The following FHDC1 variants were observed in gnomAD, a reference collection of about 807,000 sequenced individuals.
The protein encoded by FHDC1 is FH2 domain containing 1.
In FHDC1, 25 loss-of-function variants were observed where a neutral mutation model predicts 52.6. The ratio of observed to expected loss-of-function variants is 0.48; its 90% CI spans 0.35 to 0.66. FHDC1 has a LOEUF of 0.66. Among genes scored for constraint, FHDC1 ranks in the 30% least tolerant of loss-of-function variants. The pLI is 0.01. For missense variants in FHDC1, 1,459 were observed against 1,452.8 expected (o/e 1.00, Z -0.07); for synonymous variants, 616 against 581.5 (o/e 1.06, Z -0.85).
the FHDC1 span, among the ~76,000 whole-genome samples, chr4:152,916,403 C>A: frequency 1.3e-5 from 2 of 151,984 alleles, no homozygotes; most frequent in African/African-American, 2.4e-5. Flanking sequence ...AGCAAAAATA[C>A]ATACATTCAT....
At chr4:152,936,058 C>T (rs1739360889), upstream of FHDC1, among the ~76,000 whole-genome samples, 1 of 152,038 alleles carries the variant, frequency 6.6e-6, no homozygotes, top group Non-Finnish European at 1.5e-5. Context: ...TGGCCCCCGG[C>T]CTAGCCCCGC....
chr4:152,919,642 A>C, the FHDC1 span, among the ~76,000 whole-genome samples: 1 of 152,168 alleles, frequency 6.6e-6, no homozygotes, highest in African/African-American at 2.4e-5. Context: ...TAGCACTAGA[A>C]TATATTTGGA....
chr4:152,934,650 G>A (rs79401609), upstream of FHDC1, among the ~76,000 whole-genome samples: 5,621 of 152,294 alleles, frequency 0.037, 158 homozygotes, highest in South Asian at 0.078. Context: ...GAGATCGAGA[G>A]TTGGAAAAAC....
intron 1 of FHDC1, among the ~76,000 whole-genome samples, chr4:152,941,859 A>T (rs1358623534): frequency 6.6e-6 from 1 of 152,096 alleles, no homozygotes; most frequent in Non-Finnish European, 1.5e-5. Context: ...TGTGATCTGG[A>T]GGAAATAGTC....
At chr4:152,941,595 G>A (rs1446651362) in intron 1 of FHDC1, among the ~76,000 whole-genome samples, 1 of 152,198 alleles carries the variant, frequency 6.6e-6, no homozygotes, top group Non-Finnish European at 1.5e-5. Context: ...CTTGAAAGTA[G>A]CAGAACTTTC....
At chr4:152,911,560 A>G in the FHDC1 span, 4 of 152,654 alleles carry the variant, frequency 2.6e-5, no homozygotes, top group African/African-American at 9.6e-5. Flanking sequence ...TGTCATAGAC[A>G]TAAATTAATA....
intron 2 of FHDC1, among the ~76,000 whole-genome samples, chr4:152,945,411 A>G (rs71620234): frequency 4.4e-4 from 67 of 152,260 alleles, no homozygotes; most frequent in Non-Finnish European, 7.6e-4. Context: ...ATTATTTTTA[A>G]TTGTGGTGAA....
chr4:152,919,925 CA>C, the FHDC1 span, among the ~76,000 whole-genome samples: 2 of 142,866 alleles, frequency 1.4e-5, no homozygotes, highest in South Asian at 2.3e-4. Flanking sequence ...AATTGGAAGG[CA>C]ATTCTGGTAG....
chr4:152,941,107 A>G (rs953826075), intron 1 of FHDC1, among the ~76,000 whole-genome samples: 18 of 152,264 alleles, frequency 1.2e-4, no homozygotes, highest in African/African-American at 3.9e-4. Flanking sequence ...ATGATTTTTT[A>G]AAGTATCCAA....
chr4:152,958,493 T>G (rs908108992), intron 4 of FHDC1, among the ~76,000 whole-genome samples: 2 of 125,680 alleles, frequency 1.6e-5, no homozygotes, highest in East Asian at 5.0e-4. Context: ...TCTCTTGAAA[T>G]CCATACATTT....
chr4:152,955,252 T>A (rs1385413615), intron 4 of FHDC1, among the ~76,000 whole-genome samples: 2 of 152,100 alleles, frequency 1.3e-5, no homozygotes, highest in African/African-American at 4.8e-5. Flanking sequence ...TGATATAAAG[T>A]TATTTATTTT....
chr4:152,925,280 A>T, the FHDC1 span, among the ~76,000 whole-genome samples: 1 of 152,124 alleles, frequency 6.6e-6, no homozygotes, highest in African/African-American at 2.4e-5. Context: ...AACATATGAC[A>T]CATAAATGCG....
At chr4:152,911,945 A>T in the FHDC1 span, 1 of 152,540 alleles carries the variant, frequency 6.6e-6, no homozygotes, top group Non-Finnish European at 1.5e-5. Context: ...TTTAAGAAGT[A>T]ACTATTTGGA....
At chr4:152,945,250 A>C (rs1466829408) in intron 2 of FHDC1, among the ~76,000 whole-genome samples, 1 of 152,170 alleles carries the variant, frequency 6.6e-6, no homozygotes, top group African/African-American at 2.4e-5. Flanking sequence ...ACTATGATAG[A>C]AGCAGAGATG....
chr4:152,914,483 C>T, the FHDC1 span, among the ~76,000 whole-genome samples: 3 of 152,298 alleles, frequency 2.0e-5, no homozygotes, highest in South Asian at 2.1e-4. Flanking sequence ...AGCACCATAA[C>T]TCTACTCTTG....
At position 152,960,829 on chromosome 4, in the gene FHDC1, A is replaced by G; in HGVS notation, c.835A>G (p.Arg279Gly). The G allele has an allele frequency of 6.3e-7, 1 of 1,597,200 alleles. No individual in the cohort carries two copies. Among genetic ancestry groups the G allele is most frequent in the Non-Finnish European group, 8.5e-7 (1 of 1,174,452 alleles). ...TCTATATACAGATATAACAGTTTTA[A>G]GAACTGCTATAAAAGGTGAGTCAAC... ...SSLYTDITVLRTAIKELMSCE... is the reference protein window; with the variant it reads ...SSLYTDITVLGTAIKELMSCE... The change falls in exon 6 of 12, where the codon AGA (arginine) becomes GGA (glycine). Residue 279 changes from arginine to glycine, a missense_variant. Coordinates refer to ENST00000511601, the MANE Select transcript of FHDC1 (RefSeq NM_001371116.1).
intron 1 of FHDC1, among the ~76,000 whole-genome samples, chr4:152,937,578 G>A (rs1169948185): frequency 6.6e-6 from 1 of 151,748 alleles, no homozygotes; most frequent in African/African-American, 2.4e-5. Flanking sequence ...ACGGGAGAGC[G>A]GTCGGCGCTG....
Position 152,975,227 on chromosome 4 carries a change from C to A in FHDC1, c.1936C>A (p.Arg646=). 1 of 1,613,320 alleles carries A rather than the reference C, an allele frequency of 6.2e-7. No homozygotes were observed. Among genetic ancestry groups the A allele is most frequent in the Non-Finnish European group, 8.5e-7 (1 of 1,180,014 alleles). Residue 646 remains arginine (R), a synonymous_variant, in exon 12 of 12, where the codon CGA becomes AGA. Coordinates refer to ENST00000511601, the MANE Select transcript of FHDC1 (RefSeq NM_001371116.1). ...TCGGCGCCAGGGCGTCAGTGTCCTC[C>A]GAAAGAGGTACAGTGAGCCGGTGAG... ...RARRQGVSVL[R]KRYSEPVSLG...
At chr4:152,924,621 C>A in the FHDC1 span, among the ~76,000 whole-genome samples, 4 of 152,212 alleles carry the variant, frequency 2.6e-5, no homozygotes, top group Middle Eastern at 0.014. Context: ...AAATGTCCAA[C>A]AGTGATAGAC....
Sources: gnomAD v4.1 joint callset for allele counts (sites outside exome capture counted in the v4.1 genomes callset) on GRCh38, gnomAD v4.1.1 for gene constraint, MANE v1.5 for transcripts, NCBI Gene and HGNC (gene_info 2026-07-23, HGNC 2026-07-21) for gene names.